DPP10: variants seen among roughly 807,000 people sequenced by gnomAD.
The protein encoded by DPP10 is dipeptidyl peptidase like 10.
A neutral mutation model predicts 120.9 loss-of-function variants in DPP10; 33 were observed. That is an observed-to-expected ratio of 0.27 (90% CI 0.21 to 0.37). The LOEUF is 0.37. Among genes scored for constraint, DPP10 ranks in the 10% least tolerant of loss-of-function variants. The pLI is 1.00. For synonymous variants in DPP10, 337 were observed against 326.1 expected (o/e 1.03, Z -0.36); for missense variants, 816 against 942.8 (o/e 0.87, Z 1.76).
chr2:114,987,568 A>C (rs531142852), intron 1 of DPP10, among the ~76,000 whole-genome samples: 1 of 152,182 alleles, frequency 6.6e-6, no homozygotes, highest in South Asian at 2.1e-4. Flanking sequence ...TTTACTCAGA[A>C]TGTCACCCAT....
At chr2:115,835,018 G>A (rs892188638) in intron 21 of DPP10, among the ~76,000 whole-genome samples, 3 of 151,492 alleles carry the variant, frequency 2.0e-5, no homozygotes, top group East Asian at 1.9e-4. Context: ...CCCGGGGGGC[G>A]GAGCTTGCAG....
intron 1 of DPP10, among the ~76,000 whole-genome samples, chr2:114,604,937 T>G (rs1276533627): frequency 6.6e-6 from 1 of 152,056 alleles, no homozygotes; most frequent in Non-Finnish European, 1.5e-5. Context: ...TCAGAAGAAT[T>G]TGTTGGAAAG....
intron 1 of DPP10, among the ~76,000 whole-genome samples, chr2:114,789,421 C>T (rs1421241361): frequency 4.6e-5 from 7 of 152,174 alleles, no homozygotes; most frequent in Admixed American, 4.6e-4. Flanking sequence ...CTGTCCCTCT[C>T]TCATAATCAA....
chr2:115,029,413 G>A (rs1703690199), intron 1 of DPP10, among the ~76,000 whole-genome samples: 1 of 150,786 alleles, frequency 6.6e-6, no homozygotes, highest in Non-Finnish European at 1.5e-5. Flanking sequence ...AATTTTACCA[G>A]TGGATTTCTA....
At chr2:115,192,679 A>C (rs2054968269) in intron 1 of DPP10, among the ~76,000 whole-genome samples, 1 of 152,124 alleles carries the variant, frequency 6.6e-6, no homozygotes, top group Non-Finnish European at 1.5e-5. Flanking sequence ...GCTAAATTTC[A>C]CCTTTATATT....
At position 114,682,674 on chromosome 2, in the gene DPP10, AGTT is replaced by A. The variant is rs1699102970; in HGVS notation, c.60+239837_60+239839del. The stretch of plus-strand genomic sequence containing the variant: ...TTTCAAAGTGAAAGCCTGGAAAAAT[AGTT>A]AAGTTGGTTCAAAAGAGCCAAGGAT... On this transcript the variant is annotated intron_variant, in intron 1 of 25. Transcript: ENST00000410059. Among the ~76,000 whole-genome samples, 2 of 151,736 alleles carry A rather than the reference AGTT, an allele frequency of 1.3e-5. 1 individual carries two copies. The highest frequency in any genetic ancestry group is 4.1e-4 in the South Asian group (2 of 4,824).
At chr2:115,560,039 T>C (rs1226014326) in intron 5 of DPP10, among the ~76,000 whole-genome samples, 3 of 151,764 alleles carry the variant, frequency 2.0e-5, no homozygotes, top group Non-Finnish European at 2.9e-5. Flanking sequence ...TTAAATTCTC[T>C]CTCTAAGACT....
chr2:114,559,248 G>A (rs747127639), intron 1 of DPP10, among the ~76,000 whole-genome samples: 10 of 152,136 alleles, frequency 6.6e-5, no homozygotes, highest in Non-Finnish European at 1.2e-4. Context: ...TGTACTGTTA[G>A]GTACAATATA....
chr2:115,564,811 C>T (rs1052827419), intron 5 of DPP10, among the ~76,000 whole-genome samples: 1 of 152,090 alleles, frequency 6.6e-6, no homozygotes, highest in African/African-American at 2.4e-5. Context: ...ATTTAAATAA[C>T]ATTTCTGTAT....
chr2:115,307,040 T>C (rs2061385672), intron 1 of DPP10, among the ~76,000 whole-genome samples: 1 of 152,136 alleles, frequency 6.6e-6, no homozygotes, highest in Non-Finnish European at 1.5e-5. Flanking sequence ...TTTTATGAAC[T>C]AGAACTCCAG....
chr2:114,697,710 A>G (rs1238562164), intron 1 of DPP10, among the ~76,000 whole-genome samples: 5 of 147,494 alleles, frequency 3.4e-5, no homozygotes, highest in Non-Finnish European at 1.5e-5. Flanking sequence ...AGATCGCGCA[A>G]CTGCACTCCA....
At chr2:114,764,284 CTT>C (rs201499611) in intron 1 of DPP10, among the ~76,000 whole-genome samples, 4,368 of 126,040 alleles carry the variant, frequency 0.035, 205 homozygotes, top group African/African-American at 0.11. Flanking sequence ...CTTAAATTGC[CTT>C]TTTTTTTTTT....
rs77364491 is a variant in DPP10 at position 115,224,777 on chromosome 2, A to G, written c.61-84462A>G. ...ATTTTTTAAAATCATGTTATATACC[A>G]TAAATATATCCAATTCTTGTCTTTT... On this transcript the variant is annotated intron_variant, in intron 1 of 25. Coordinates refer to ENST00000410059, the MANE Select transcript of DPP10 (RefSeq NM_020868.6). Among the ~76,000 whole-genome samples, 461 of 152,350 alleles carry G rather than the reference A, an allele frequency of 3.0e-3. 19 individuals carry two copies. In the East Asian group the frequency reaches 0.077, roughly 25 times the overall value.
At chr2:115,527,888 T>A (rs1321136912) in intron 5 of DPP10, among the ~76,000 whole-genome samples, 10 of 152,144 alleles carry the variant, frequency 6.6e-5, no homozygotes, top group Non-Finnish European at 1.5e-4. Context: ...GCAGAGAAAC[T>A]GGATCATTCA....
intron 1 of DPP10, among the ~76,000 whole-genome samples, chr2:115,073,835 C>T (rs1010500282): frequency 7.2e-5 from 11 of 152,168 alleles, no homozygotes; most frequent in Non-Finnish European, 1.2e-4. Context: ...GCTCAGTGTG[C>T]GTTAATTTCT....
intron 1 of DPP10, among the ~76,000 whole-genome samples, chr2:114,970,223 T>C (rs554314534): frequency 1.3e-5 from 2 of 152,158 alleles, no homozygotes; most frequent in African/African-American, 4.8e-5. Context: ...AAAGCTAAAA[T>C]GGAGAAATAA....
chr2:114,491,011 C>T (rs1399192760), intron 1 of DPP10, among the ~76,000 whole-genome samples: 2 of 152,086 alleles, frequency 1.3e-5, no homozygotes, highest in African/African-American at 2.4e-5. Context: ...TCATTGAGTG[C>T]CCATTATGCC....
intron 21 of DPP10, among the ~76,000 whole-genome samples, chr2:115,819,558 G>A (rs1687599637): frequency 6.6e-6 from 1 of 151,810 alleles, no homozygotes; most frequent in Admixed American, 6.6e-5. Flanking sequence ...TTTCTGGCTG[G>A]TTGTTCTCTA....
At chr2:114,948,504 C>T (rs1697536411) in intron 1 of DPP10, among the ~76,000 whole-genome samples, 1 of 152,098 alleles carries the variant, frequency 6.6e-6, no homozygotes, top group African/African-American at 2.4e-5. Context: ...TCCTCTCAAT[C>T]TGGGAAAATG....
Sources: gnomAD v4.1 joint callset for allele counts (sites outside exome capture counted in the v4.1 genomes callset) on GRCh38, gnomAD v4.1.1 for gene constraint, MANE v1.5 for transcripts, NCBI Gene and HGNC (gene_info 2026-07-23, HGNC 2026-07-21) for gene names.